NAALADL2: variants seen among roughly 807,000 people sequenced by gnomAD.
NAALADL2 encodes N-acetylated alpha-linked acidic dipeptidase like 2.
NAALADL2 carries 76 observed loss-of-function variants against 87.2 expected under a neutral mutation model. That is an observed-to-expected ratio of 0.87 (90% CI 0.72 to 1.05). NAALADL2 has a LOEUF of 1.05. NAALADL2 is among the 50% of genes least tolerant of loss of function. The pLI is 0.00. For missense variants in NAALADL2, 1,089 were observed against 945.8 expected, an observed-to-expected ratio of 1.15 and a Z score of -1.99; for synonymous variants, 354 against 331.0, an observed-to-expected ratio of 1.07 and a Z score of -0.75.
chr3:175,130,443 C>T (rs879342488), intron 2 of NAALADL2, among the ~76,000 whole-genome samples: 1 of 152,008 alleles, frequency 6.6e-6, no homozygotes, highest in Non-Finnish European at 1.5e-5. Context: ...AGAACTTTTC[C>T]CTATGTTTTC....
chr3:175,580,421 A>C (rs1719588472), intron 10 of NAALADL2, among the ~76,000 whole-genome samples: 2 of 152,200 alleles, frequency 1.3e-5, no homozygotes, highest in African/African-American at 4.8e-5. Context: ...AAGTAGAAGA[A>C]TTTGTTACTT....
At chr3:174,516,010 G>T (rs1719917064) in intron 1 of NAALADL2, among the ~76,000 whole-genome samples, 1 of 151,978 alleles carries the variant, frequency 6.6e-6, no homozygotes, top group Admixed American at 6.6e-5. Flanking sequence ...CAAGTGCTTG[G>T]CTTCTTTTGC....
intron 3 of NAALADL2, among the ~76,000 whole-genome samples, chr3:175,249,618 G>T (rs1560230316): frequency 6.6e-6 from 1 of 152,006 alleles, no homozygotes; most frequent in Non-Finnish European, 1.5e-5. Flanking sequence ...AAATTATTGT[G>T]TTGGAAGTTA....
chr3:174,818,837 A>AG (rs1721080245), intron 3 of NAALADL2, among the ~76,000 whole-genome samples: 2 of 152,160 alleles, frequency 1.3e-5, no homozygotes, highest in Non-Finnish European at 2.9e-5. Flanking sequence ...GGCTCACTGC[A>AG]GGGGGAAAGG....
At chr3:175,360,722 C>T (rs1313882948) in intron 5 of NAALADL2, among the ~76,000 whole-genome samples, 2 of 151,838 alleles carry the variant, frequency 1.3e-5, no homozygotes, top group African/African-American at 2.4e-5. Context: ...ATATATGACA[C>T]TCATTGGTAT....
At chr3:174,751,538 C>T (rs554706283) in intron 3 of NAALADL2, among the ~76,000 whole-genome samples, 1 of 151,698 alleles carries the variant, frequency 6.6e-6, no homozygotes, top group Non-Finnish European at 1.5e-5. Context: ...TGGCACACGC[C>T]TGTAATCCCA....
At chr3:175,317,843 A>T (rs528164617) in intron 4 of NAALADL2, among the ~76,000 whole-genome samples, 35 of 152,332 alleles carry the variant, frequency 2.3e-4, no homozygotes, top group African/African-American at 7.7e-4. Flanking sequence ...AAGCAAAAAC[A>T]TATATAGCTA....
intron 10 of NAALADL2, among the ~76,000 whole-genome samples, chr3:175,588,707 G>T (rs573635942): frequency 1.8e-4 from 28 of 151,766 alleles, no homozygotes; most frequent in South Asian, 1.0e-3. Context: ...CCTGGCTAAT[G>T]TTTTGTATTT....
chr3:174,659,771 A>G (rs147995995), intron 2 of NAALADL2, among the ~76,000 whole-genome samples: 22 of 152,264 alleles, frequency 1.4e-4, no homozygotes, highest in African/African-American at 5.3e-4. Flanking sequence ...ACCCATGGTC[A>G]CGTCTCCTGT....
At chr3:174,622,166 A>G (rs1721073588) in intron 2 of NAALADL2, among the ~76,000 whole-genome samples, 1 of 152,230 alleles carries the variant, frequency 6.6e-6, no homozygotes, top group Admixed American at 6.5e-5. Flanking sequence ...TAGATAGTCT[A>G]GAAAATGTTG....
intron 3 of NAALADL2, among the ~76,000 whole-genome samples, chr3:174,768,711 G>T (rs565804662): frequency 2.0e-5 from 3 of 152,142 alleles, no homozygotes; most frequent in East Asian, 1.9e-4. Flanking sequence ...AAAAGGACTG[G>T]TTTTTCTTGG....
At chr3:175,201,606 A>G (rs1409294046) in intron 2 of NAALADL2, among the ~76,000 whole-genome samples, 1 of 152,166 alleles carries the variant, frequency 6.6e-6, no homozygotes, top group African/African-American at 2.4e-5. Context: ...GTCGTGTTAC[A>G]CTGTTGCTCC....
intron 1 of NAALADL2, among the ~76,000 whole-genome samples, chr3:174,495,907 T>C (rs1718505824): frequency 6.6e-6 from 1 of 152,206 alleles, no homozygotes; most frequent in Non-Finnish European, 1.5e-5. Context: ...CAGAAAACTT[T>C]GTATATAATT....
intron 3 of NAALADL2, among the ~76,000 whole-genome samples, chr3:175,248,718 G>C (rs1748465783): frequency 6.6e-6 from 1 of 152,112 alleles, no homozygotes; most frequent in South Asian, 2.1e-4. Context: ...AATGTATGAA[G>C]GCGTCCCTAT....
rs1712695763 is a variant in NAALADL2 at position 175,058,413 on chromosome 3, T to C, written c.44-38377T>C. ...TCGGTGCTATTAATATATTAGTAACTCAGTATAGGCACTGAACAAGTCTCT... is the reference window on the plus strand; with the variant it reads ...TCGGTGCTATTAATATATTAGTAACCCAGTATAGGCACTGAACAAGTCTCT... On this transcript the variant is annotated intron_variant, in intron 1 of 13. Coordinates refer to ENST00000454872, the MANE Select transcript of NAALADL2 (RefSeq NM_207015.3). 2.0e-5 allele frequency among the ~76,000 whole-genome samples: 3 copies of C among 152,194 alleles called. No individual in the cohort carries two copies. In the South Asian group the frequency reaches 6.2e-4, roughly 32 times the overall value.
intron 11 of NAALADL2, chr3:175,676,080 A>G (rs567308732): frequency 7.2e-5 from 11 of 152,280 alleles, no homozygotes; most frequent in Admixed American, 3.9e-4. Context: ...AGTATTCCAT[A>G]TGCTTCATCA....
At chr3:175,536,642 A>T (rs1734853449) in intron 9 of NAALADL2, among the ~76,000 whole-genome samples, 1 of 151,374 alleles carries the variant, frequency 6.6e-6, no homozygotes, top group East Asian at 1.9e-4. Flanking sequence ...TGCTAATTTA[A>T]AAAAAAAACC....
chr3:175,581,291 A>C, intron 10 of NAALADL2: 1 of 187,666 alleles, frequency 5.3e-6, no homozygotes, highest in South Asian at 7.5e-5. Flanking sequence ...AAAATACAAA[A>C]ATTAGCTGGG....
intron 4 of NAALADL2, among the ~76,000 whole-genome samples, chr3:175,305,802 G>A (rs181875147): frequency 9.0e-4 from 137 of 152,226 alleles, no homozygotes; most frequent in Middle Eastern, 3.4e-3. Flanking sequence ...GATTACAGGC[G>A]TGAGCCACCG....
Sources: allele counts gnomAD v4.1 joint callset (sites outside exome capture counted in the v4.1 genomes callset), GRCh38; gene constraint gnomAD v4.1.1; transcripts MANE v1.5; gene names NCBI Gene and HGNC (gene_info 2026-07-23, HGNC 2026-07-21).